The following CPQ variants were observed in gnomAD, a reference collection of about 807,000 sequenced individuals.
The protein encoded by CPQ is carboxypeptidase Q.
In CPQ, 37 loss-of-function variants were observed where a neutral mutation model predicts 45.7. That is an observed-to-expected ratio of 0.81 (90% CI 0.62 to 1.07). The LOEUF (loss-of-function observed/expected upper bound fraction) is 1.07. Ranked by LOEUF, CPQ falls within the 50% of genes least tolerant of loss-of-function variation. The pLI is 0.00. For synonymous variants in CPQ, 186 were observed against 205.8 expected, an observed-to-expected ratio of 0.90 and a Z score of 0.82; for missense variants, 537 against 572.9, an observed-to-expected ratio of 0.94 and a Z score of 0.64.
chr8:96,728,379 G>T (rs1809870572), intron 1 of CPQ, among the ~76,000 whole-genome samples: 1 of 152,048 alleles, frequency 6.6e-6, no homozygotes, highest in Non-Finnish European at 1.5e-5. Context: ...TCTTGCTCTG[G>T]TGTTGATCAG....
At chr8:96,912,306 G>A (rs989070459) in intron 4 of CPQ, among the ~76,000 whole-genome samples, 8 of 152,166 alleles carry the variant, frequency 5.3e-5, no homozygotes, top group Non-Finnish European at 7.4e-5. Context: ...TTACTTTCAT[G>A]TTCTGTCTTT....
At chr8:96,685,169 TATAA>T (rs1368946951) in intron 1 of CPQ, among the ~76,000 whole-genome samples, 14 of 132,392 alleles carry the variant, frequency 1.1e-4, no homozygotes, top group Non-Finnish European at 1.7e-4. Context: ...TTTTATGATT[TATAA>T]ATATTTTCTT....
chr8:96,830,039 A>G (rs886640583), intron 2 of CPQ, among the ~76,000 whole-genome samples: 1 of 152,162 alleles, frequency 6.6e-6, no homozygotes, highest in Admixed American at 6.6e-5. Flanking sequence ...GTGTTCTTTT[A>G]TCTGCCTTCC....
rs1360901278 is a variant in CPQ, at chr8:96,732,762, G to A, written c.-34-52102G>A. On this transcript the variant is annotated intron_variant, in intron 1 of 7. Transcript: ENST00000220763. ...TGCCTCTTTCTCACATTATCTTCCT[G>A]CTATCTGACATACCTATGCTCACAT... Among the ~76,000 whole-genome samples, 8 of 152,244 alleles carry A rather than the reference G, an allele frequency of 5.3e-5. No individual in the cohort carries two copies. The East Asian group carries it at 1.4e-3, about 26-fold the overall frequency.
chr8:96,825,383 G>A (rs1811366741), intron 2 of CPQ, among the ~76,000 whole-genome samples: 1 of 152,002 alleles, frequency 6.6e-6, no homozygotes. Flanking sequence ...AACACCATGG[G>A]TTTGGAGTCG....
At chr8:97,093,960 T>A (rs536743088) in intron 7 of CPQ, among the ~76,000 whole-genome samples, 8 of 152,274 alleles carry the variant, frequency 5.3e-5, no homozygotes, top group Non-Finnish European at 5.9e-5. Flanking sequence ...AGGACTCCCA[T>A]AGGGTGTGAG....
chr8:96,808,070 G>A (rs993754399), intron 2 of CPQ, among the ~76,000 whole-genome samples: 1 of 152,140 alleles, frequency 6.6e-6, no homozygotes, highest in Non-Finnish European at 1.5e-5. Flanking sequence ...GATCATGACT[G>A]CATCTTAGAG....
chr8:96,750,735 AG>A (rs1224326829), intron 1 of CPQ, among the ~76,000 whole-genome samples: 1 of 151,830 alleles, frequency 6.6e-6, no homozygotes, highest in Non-Finnish European at 1.5e-5. Context: ...CCCATCACCT[AG>A]GTATAAAGCT....
At chr8:97,099,400 G>A (rs1038334783) in intron 7 of CPQ, among the ~76,000 whole-genome samples, 1 of 151,466 alleles carries the variant, frequency 6.6e-6, no homozygotes, top group African/African-American at 2.4e-5. Flanking sequence ...CAAAATGCTG[G>A]GATTACAGGC....
chr8:97,021,725 A>G (rs1197257192), intron 5 of CPQ, among the ~76,000 whole-genome samples: 2 of 152,248 alleles, frequency 1.3e-5, no homozygotes, highest in African/African-American at 4.8e-5. Context: ...ACGCAAACAA[A>G]TGGAAACACA....
At chr8:96,695,672 CA>C (rs1387103067) in intron 1 of CPQ, among the ~76,000 whole-genome samples, 1 of 151,726 alleles carries the variant, frequency 6.6e-6, no homozygotes, top group South Asian at 2.1e-4. Context: ...TTTATGCAGC[CA>C]AAAAACACAT....
intron 1 of CPQ, among the ~76,000 whole-genome samples, chr8:96,710,270 T>A (rs1321591603): frequency 6.6e-6 from 1 of 152,106 alleles, no homozygotes; most frequent in Non-Finnish European, 1.5e-5. Flanking sequence ...CTTATTTGAA[T>A]CTTCTCTCTT....
chr8:97,064,201 G>A (rs1810599526), intron 6 of CPQ, among the ~76,000 whole-genome samples: 1 of 152,092 alleles, frequency 6.6e-6, no homozygotes, highest in South Asian at 2.1e-4. Flanking sequence ...CAAACAAGAT[G>A]ACTCAATTCT....
At chr8:96,758,009 C>T (rs1200404972) in intron 1 of CPQ, among the ~76,000 whole-genome samples, 3 of 152,192 alleles carry the variant, frequency 2.0e-5, no homozygotes, top group African/African-American at 7.2e-5. Flanking sequence ...GGGCTTTCAT[C>T]TGTCATGGAT....
intron 4 of CPQ, among the ~76,000 whole-genome samples, chr8:96,905,759 CCAAA>C (rs1812567623): frequency 8.6e-6 from 1 of 115,714 alleles, no homozygotes. Flanking sequence ...CCTGTCTTAA[CCAAA>C]AAAAAAAAAA....
At chr8:96,673,591 C>T (rs1350508949) in intron 1 of CPQ, among the ~76,000 whole-genome samples, 1 of 152,054 alleles carries the variant, frequency 6.6e-6, no homozygotes, top group Admixed American at 6.6e-5. Flanking sequence ...TGGGGTTTTC[C>T]TTATGATTTA....
At chr8:96,868,156 G>A (rs1196131023) in intron 3 of CPQ, among the ~76,000 whole-genome samples, 1 of 152,066 alleles carries the variant, frequency 6.6e-6, no homozygotes, top group Non-Finnish European at 1.5e-5. Flanking sequence ...CCAGAGTGAG[G>A]TTGAGGCCAA....
At chr8:97,026,879 CT>C (rs1221237876) in intron 5 of CPQ, among the ~76,000 whole-genome samples, 5 of 152,220 alleles carry the variant, frequency 3.3e-5, no homozygotes, top group African/African-American at 1.2e-4. Flanking sequence ...CACACAAAAT[CT>C]ATACGGATAT....
At chr8:97,130,702 A>T (rs2874140) in intron 7 of CPQ, among the ~76,000 whole-genome samples, 42,413 of 151,936 alleles carry the variant, frequency 0.28, 6,804 homozygotes, top group East Asian at 0.62. Flanking sequence ...AGCATTGGCA[A>T]TTAGTGGATA....
Sources: gnomAD v4.1 joint callset for allele counts (sites outside exome capture counted in the v4.1 genomes callset) on GRCh38, gnomAD v4.1.1 for gene constraint, MANE v1.5 for transcripts, NCBI Gene and HGNC (gene_info 2026-07-23, HGNC 2026-07-21) for gene names.